Variants in CEP76 observed in about 807,000 individuals in gnomAD.
The protein encoded by CEP76 is centrosomal protein 76.
Under a neutral mutation model 83.3 loss-of-function variants are expected in CEP76, and 55 were observed. The ratio of observed to expected loss-of-function variants is 0.66; its 90% CI spans 0.53 to 0.83. The LOEUF (loss-of-function observed/expected upper bound fraction) is 0.83. CEP76 is among the 40% of genes least tolerant of loss of function. The probability of loss-of-function intolerance (pLI) is 0.00; values close to 1 mark genes in which losing one functional copy is unlikely to be tolerated. For synonymous variants in CEP76, 270 were observed against 274.5 expected, an observed-to-expected ratio of 0.98 and a Z score of 0.16; for missense variants, 694 against 799.5, an observed-to-expected ratio of 0.87 and a Z score of 1.59.
chr18:12,664,326 G>A (rs986045022), intron 12 of CEP76, among the ~76,000 whole-genome samples: 9 of 151,928 alleles, frequency 5.9e-5, no homozygotes, highest in Non-Finnish European at 1.2e-4. Context: ...GGTGGATCAC[G>A]AGGCCAGGAG....
Position 12,699,172 on chromosome 18 carries a change from G to A in CEP76, c.327C>T (p.Tyr109=). The change falls in exon 4 of 12, where the codon TAC becomes TAT. Residue 109 remains tyrosine (Y), a synonymous_variant. Transcript: ENST00000262127. ...TNIDPTRRYL[Y]LQVLGGKAFL... is the part of the protein sequence containing the mutation. ...AAGCTTTTCCACCCAAAACCTGAAG[G>A]TAAAGATACCTCCGTGTTGGATCAA... 2.5e-6 allele frequency: 4 copies of A among 1,613,850 alleles called. No individual in the cohort carries two copies. Among genetic ancestry groups the A allele is most frequent in the Non-Finnish European group, 3.4e-6 (4 of 1,179,812 alleles).
intron 9 of CEP76, among the ~76,000 whole-genome samples, chr18:12,679,446 A>G (rs1263603701): frequency 1.3e-5 from 2 of 152,174 alleles, no homozygotes; most frequent in Non-Finnish European, 2.9e-5. Context: ...GCACACTAGC[A>G]GGCACTCTGG....
rs35721431 is a variant in CEP76 at position 12,697,355 on chromosome 18, T to A, written c.574A>T (p.Ile192Phe). 10 of 1,613,628 alleles carry A rather than the reference T, an allele frequency of 6.2e-6. No homozygotes were observed. In the Admixed American group the frequency reaches 1.7e-4, roughly 27 times the overall value. The change falls in exon 5 of 12, where the codon ATT becomes TTT. Residue 192 changes from isoleucine to phenylalanine, a missense_variant. Ile to Phe is a conservative substitution (Grantham distance 21). Coordinates refer to ENST00000262127, the MANE Select transcript of CEP76 (RefSeq NM_024899.4). ...TCTGTTTTGATTAGCACCATATGAA[T>A]TGGATCACTTATTGATAACATTGTT... Reference protein sequence around the residue: ...STTMLSISDPIHMVLIKTDIF... With the variant: ...STTMLSISDPFHMVLIKTDIF...
At chr18:12,683,986 AATAT>A (rs977564438) in intron 8 of CEP76, among the ~76,000 whole-genome samples, 1 of 150,292 alleles carries the variant, frequency 6.7e-6, no homozygotes, top group Non-Finnish European at 1.5e-5. Context: ...AAAAAATCTA[AATAT>A]ATATATGATA....
intron 3 of CEP76, 127 bp from the exon 4 acceptor site, chr18:12,699,330 G>A (rs2040071462): frequency 3.1e-6 from 2 of 641,552 alleles, no homozygotes; most frequent in Non-Finnish European, 5.3e-6. Flanking sequence ...AAGCAAAAGA[G>A]TAACAAATTT....
rs775969074 is a variant in CEP76 at position 12,672,680 on chromosome 18, A to G, written c.*685T>C. The G allele has an allele frequency of 1.1e-3, 1,075 of 978,632 alleles. No individual in the cohort carries two copies. Among genetic ancestry groups the G allele is most frequent in the Non-Finnish European group, 1.2e-3 (999 of 823,752 alleles). 60.6% of individuals were successfully genotyped at this position (978,632 alleles called of 1,614,324 possible). A position where few individuals can be genotyped will look rare whatever the true frequency, so the allele number is the denominator to read the frequency against. Reference sequence around the variant, plus strand: ...CAGTATCATAACAAAGAGGTATAATAAAGTTTTTCTAAAATACCCAATTCA... The same window carrying G: ...CAGTATCATAACAAAGAGGTATAATGAAGTTTTTCTAAAATACCCAATTCA... On this transcript the variant is annotated 3_prime_UTR_variant, in exon 12 of 12. Coordinates refer to ENST00000262127, the MANE Select transcript of CEP76 (RefSeq NM_024899.4).
intron 12 of CEP76, chr18:12,663,608 T>G (rs1440718306): frequency 6.6e-6 from 1 of 152,176 alleles, no homozygotes; most frequent in African/African-American, 2.4e-5. Flanking sequence ...AAGTTTGATG[T>G]TTGACAATAA....
At chr18:12,691,570 CT>C in intron 6 of CEP76, 83 bp from the exon 7 acceptor site, 1 of 998,988 alleles carries the variant, frequency 1.0e-6, no homozygotes, top group Non-Finnish European at 1.5e-6. Context: ...ATCTACTTCT[CT>C]ACATCATTAC....
chr18:12,683,953 T>A (rs1305448896), intron 8 of CEP76, among the ~76,000 whole-genome samples: 1 of 151,048 alleles, frequency 6.6e-6, no homozygotes, highest in Non-Finnish European at 1.5e-5. Flanking sequence ...CCATTACTGT[T>A]GTAATGCTGT....
rs183404376 is a variant in CEP76, at chr18:12,666,693, C to T, written c.*1728-4524G>A. ...TCGAACTCCTCACTCAATTGATCTA[C>T]CTGCCTTGGCCTCCTAAAGGGGTGG... On this transcript the variant is annotated intron_variant and NMD_transcript_variant, in intron 12 of 12. Transcript: ENST00000590143. Among the ~76,000 whole-genome samples the T allele has an allele frequency of 7.2e-5, 11 of 151,884 alleles. No homozygotes were observed. In the East Asian group the frequency reaches 2.1e-3, roughly 29 times the overall value.
At chr18:12,665,498 T>C (rs1361332455) in intron 12 of CEP76, among the ~76,000 whole-genome samples, 1 of 152,176 alleles carries the variant, frequency 6.6e-6, no homozygotes, top group East Asian at 1.9e-4. Context: ...ACACTGTGTC[T>C]TTCCCTTATG....
chr18:12,678,368 G>T lies in CEP76; in HGVS notation c.1364C>A (p.Thr455Lys). ...EQPKPLYPYR[T>K]IGCVFNHQMF... ...CTGATGGTTGAAAACACAACCAATT[G>T]TTCGATATGGGTACAGTGGTTTGGG... The change falls in exon 10 of 12, where the codon ACA (threonine) becomes AAA (lysine). Residue 455 changes from threonine to lysine, a missense_variant. Physicochemically the swap from Thr to Lys is moderately conservative, Grantham distance 78 (BLOSUM62 -1). Transcript: ENST00000262127. 6.2e-7 allele frequency: 1 copy of T among 1,614,102 alleles called. No homozygotes were observed. The highest frequency in any genetic ancestry group is 1.3e-5 in the African/African-American group (1 of 75,022).
In CEP76 at chr18:12,697,250, T is replaced by G; in HGVS notation, c.679A>C (p.Ser227Arg). The G allele has an allele frequency of 6.2e-7, 1 of 1,613,550 alleles. No individual in the cohort carries two copies. The highest frequency in any genetic ancestry group is 8.5e-7 in the Non-Finnish European group (1 of 1,179,728). ...SVLGSENGVT[S>R]LTVELMGVGT... ...ACACCCATAAGTTCCACAGTCAGAC[T>G]GGTCACTCCATTTTCTGAGCCCAAA... Residue 227 changes from serine to arginine, a missense_variant, in exon 5 of 12, where the codon AGT (serine) becomes CGT (arginine). Coordinates refer to ENST00000262127, the MANE Select transcript of CEP76 (RefSeq NM_024899.4).
chr18:12,702,015 T>C (rs2040170617), intron 1 of CEP76, among the ~76,000 whole-genome samples: 1 of 152,040 alleles, frequency 6.6e-6, no homozygotes, highest in South Asian at 2.1e-4. Flanking sequence ...TAATCCCAGC[T>C]ACTCGGGAGG....
chr18:12,663,656 CAG>C (rs1260410172), intron 12 of CEP76, among the ~76,000 whole-genome samples: 1 of 152,234 alleles, frequency 6.6e-6, no homozygotes, highest in African/African-American at 2.4e-5. Flanking sequence ...AAATTTTAAC[CAG>C]AGTTTTGTGT....
At position 12,680,663 on chromosome 18, in the gene CEP76, T is replaced by G; in HGVS notation, c.1288A>C (p.Arg430=). ...TCCTTATAAACTTAGTAAACTAACC[T>G]GTGTCCTGTTAAACTCTCCCAAAAA... is the stretch of plus-strand genomic sequence containing the variant. ...ITFWESLTGH[R]YIHKPTNPDE... is the part of the protein sequence containing the mutation. The change falls in exon 9 of 12, where the codon AGG becomes CGG. Residue 430 remains arginine, a splice_region_variant and synonymous_variant. Transcript: ENST00000262127. 1 of 1,600,394 alleles carries G rather than the reference T, an allele frequency of 6.2e-7. No homozygotes were observed.
At chr18:12,698,022 T>C (rs1311725210) in intron 4 of CEP76, among the ~76,000 whole-genome samples, 2 of 151,926 alleles carry the variant, frequency 1.3e-5, no homozygotes, top group South Asian at 2.1e-4. Flanking sequence ...GAAAGAAACA[T>C]AGTGTAAAAC....
chr18:12,673,111 T>G lies in CEP76; in HGVS notation c.*254A>C. ...AAACTACTGATAACTGTAAACAAAG[T>G]AGCATTTATTAAAATAGAATATACA... is the stretch of plus-strand genomic sequence containing the variant. On this transcript the variant is annotated 3_prime_UTR_variant, in exon 12 of 12. Coordinates refer to ENST00000262127, the MANE Select transcript of CEP76 (RefSeq NM_024899.4). 9.5e-7 allele frequency: 1 copy of G among 1,051,172 alleles called. No homozygotes were observed. Among genetic ancestry groups the G allele is most frequent in the Non-Finnish European group, 1.2e-6 (1 of 852,188 alleles). 65.1% of individuals were successfully genotyped at this position (1,051,172 alleles called of 1,614,324 possible).
chr18:12,670,694 G>A (rs886877532), downstream of CEP76: 5 of 149,464 alleles, frequency 3.3e-5, no homozygotes, highest in South Asian at 2.2e-4. Flanking sequence ...CTTTGAGATA[G>A]GGTCTTGCTC....
Sources: allele counts gnomAD v4.1 joint callset (sites outside exome capture counted in the v4.1 genomes callset), GRCh38; gene constraint gnomAD v4.1.1; transcripts MANE v1.5; gene names NCBI Gene and HGNC (gene_info 2026-07-23, HGNC 2026-07-21).